The following LRP1B variants were observed in gnomAD, a reference collection of about 807,000 sequenced individuals.
LRP1B encodes the protein low-density lipoprotein receptor-related protein 1B.
In LRP1B, 217 loss-of-function variants were observed where a neutral mutation model predicts 556.6. The observed-to-expected ratio is 0.39, with a 90% CI of 0.35 to 0.44. The LOEUF (loss-of-function observed/expected upper bound fraction) is 0.44. Ranked by LOEUF, LRP1B falls within the 20% of genes least tolerant of loss-of-function variation. The pLI, the probability that LRP1B is intolerant of heterozygous loss-of-function variation, is 1.00. For synonymous variants in LRP1B, 2,047 were observed against 1,865.8 expected (o/e 1.10, Z -2.50); for missense variants, 5,053 against 5,620.8 (o/e 0.90, Z 3.23).
intron 66 of LRP1B, among the ~76,000 whole-genome samples, chr2:140,405,716 A>G (rs1490978276): frequency 6.6e-6 from 1 of 152,146 alleles, no homozygotes; most frequent in Non-Finnish European, 1.5e-5. Flanking sequence ...AAAATTGCCA[A>G]CAGCAAAAAG....
chr2:141,314,859 TATATATAC>T (rs200158135), intron 3 of LRP1B, among the ~76,000 whole-genome samples: 1 of 137,382 alleles, frequency 7.3e-6, no homozygotes, highest in Non-Finnish European at 1.5e-5. Flanking sequence ...TATATATACA[TATATATAC>T]ATATATACAT....
intron 35 of LRP1B, among the ~76,000 whole-genome samples, chr2:140,718,280 A>G (rs1687280064): frequency 6.6e-6 from 1 of 151,978 alleles, no homozygotes; most frequent in African/African-American, 2.4e-5. Context: ...TCTGTTTCTT[A>G]GACTAAAAGC....
intron 7 of LRP1B, among the ~76,000 whole-genome samples, chr2:141,166,312 C>T (rs1023825196): frequency 3.3e-5 from 5 of 150,390 alleles, no homozygotes; most frequent in African/African-American, 1.2e-4. Context: ...TAGATAACAT[C>T]TTAAATGTCC....
At chr2:141,293,639 T>C (rs1431970262) in intron 3 of LRP1B, among the ~76,000 whole-genome samples, 1 of 150,804 alleles carries the variant, frequency 6.6e-6, no homozygotes, top group Non-Finnish European at 1.5e-5. Context: ...TTTTTTTTTT[T>C]CTGTCTTGGG....
At chr2:141,652,721 A>AT (rs1408018091) in intron 2 of LRP1B, among the ~76,000 whole-genome samples, 4 of 152,308 alleles carry the variant, frequency 2.6e-5, no homozygotes, top group African/African-American at 7.2e-5. Context: ...GAAATACTTG[A>AT]TTTTTTTGAA....
chr2:140,487,917 G>A (rs7563696), intron 57 of LRP1B, among the ~76,000 whole-genome samples, 178 bp from the exon 58 acceptor site: 68,080 of 151,514 alleles, frequency 0.45, 15,584 homozygotes, highest in Middle Eastern at 0.61. Flanking sequence ...TCCTTACATC[G>A]TATGTTTAAA....
At chr2:140,578,750 T>A (rs965920355) in intron 43 of LRP1B, among the ~76,000 whole-genome samples, 4 of 151,970 alleles carry the variant, frequency 2.6e-5, no homozygotes, top group East Asian at 1.9e-4. Context: ...TAAAAAAAAA[T>A]AAAATAAATA....
chr2:141,483,079 C>A (rs1022266285), intron 2 of LRP1B, among the ~76,000 whole-genome samples: 13 of 151,652 alleles, frequency 8.6e-5, no homozygotes, highest in African/African-American at 2.7e-4. Flanking sequence ...TGTCATTTAG[C>A]ATTAGGTGTA....
intron 7 of LRP1B, among the ~76,000 whole-genome samples, chr2:141,081,588 A>C (rs10496867): frequency 0.85 from 129,880 of 152,148 alleles, 55,726 homozygotes; most frequent in Non-Finnish European, 0.89. Context: ...AGTTTACTGG[A>C]GGAATAAGAA....
intron 3 of LRP1B, among the ~76,000 whole-genome samples, chr2:141,475,198 C>A (rs376868586): frequency 3.3e-5 from 5 of 152,150 alleles, no homozygotes; most frequent in Admixed American, 1.3e-4. Context: ...CATGGTGAAA[C>A]CCCCTCTATA....
chr2:140,502,913 T>TC (rs759300510), intron 54 of LRP1B, 50 bp downstream of exon 54: 122 of 1,584,024 alleles, frequency 7.7e-5, no homozygotes, highest in Admixed American at 2.2e-4. Context: ...TCACAATTTT[T>TC]CCATTGAAAA....
chr2:141,203,509 A>G (rs1408432947), intron 6 of LRP1B, among the ~76,000 whole-genome samples: 2 of 152,210 alleles, frequency 1.3e-5, no homozygotes, highest in South Asian at 4.1e-4. Flanking sequence ...TATGCACCCA[A>G]TACAGGAGCA....
intron 2 of LRP1B, among the ~76,000 whole-genome samples, chr2:141,748,739 A>G (rs1693999669): frequency 6.6e-6 from 1 of 152,210 alleles, no homozygotes; most frequent in Non-Finnish European, 1.5e-5. Flanking sequence ...TTTCTGTGGT[A>G]GAAACACTCT....
chr2:141,822,118 C>G (rs576566405), intron 1 of LRP1B, among the ~76,000 whole-genome samples: 6,674 of 101,810 alleles, frequency 0.066, 192 homozygotes, highest in Middle Eastern at 0.098. Context: ...CACACACACA[C>G]ACACACACAC....
At chr2:142,117,386 T>C (rs994811518) in intron 1 of LRP1B, among the ~76,000 whole-genome samples, 4 of 152,132 alleles carry the variant, frequency 2.6e-5, no homozygotes, top group African/African-American at 7.2e-5. Context: ...CATCCTGCCA[T>C]AATGGCCCAG....
intron 20 of LRP1B, among the ~76,000 whole-genome samples, chr2:140,933,937 C>T (rs1005639862): frequency 1.4e-5 from 2 of 144,840 alleles, no homozygotes; most frequent in African/African-American, 4.9e-5. Context: ...TTAAAGTGAC[C>T]TTTAAAGCGT....
At chr2:141,789,782 ATG>A (rs1291103797) in intron 2 of LRP1B, among the ~76,000 whole-genome samples, 8 of 151,934 alleles carry the variant, frequency 5.3e-5, no homozygotes, top group Non-Finnish European at 8.8e-5. Flanking sequence ...CAATTTTGCA[ATG>A]AGGTGGTCTA....
At chr2:141,132,130 A>C (rs538953631) in intron 7 of LRP1B, among the ~76,000 whole-genome samples, 2 of 152,146 alleles carry the variant, frequency 1.3e-5, no homozygotes, top group Admixed American at 6.6e-5. Flanking sequence ...TATTCATAAT[A>C]ATACAGTTTC....
At chr2:141,220,158 G>A (rs1018106495) in intron 6 of LRP1B, among the ~76,000 whole-genome samples, 6 of 152,170 alleles carry the variant, frequency 3.9e-5, no homozygotes, top group African/African-American at 9.6e-5. Flanking sequence ...CTAAACCAAC[G>A]CAAGAAGATA....
Sources: gnomAD v4.1 joint callset for allele counts (sites outside exome capture counted in the v4.1 genomes callset) on GRCh38, gnomAD v4.1.1 for gene constraint, MANE v1.5 for transcripts, NCBI Gene and HGNC (gene_info 2026-07-23, HGNC 2026-07-21) for gene names.